Variants in PSMD14 observed in about 807,000 individuals in gnomAD.
PSMD14 encodes the protein ubiquitin C-terminal hydrolase PSMD14.
In PSMD14, 7 loss-of-function variants were observed where a neutral mutation model predicts 41.2. The observed-to-expected ratio is 0.17, with a 90% CI of 0.10 to 0.32. PSMD14 has a LOEUF of 0.32. Among genes scored for constraint, PSMD14 ranks in the 10% least tolerant of loss-of-function variants. The pLI is 1.00. For synonymous variants in PSMD14, 114 were observed against 122.3 expected (o/e 0.93, Z 0.45); for missense variants, 139 against 375.6 (o/e 0.37, Z 5.21).
intron 9 of PSMD14, among the ~76,000 whole-genome samples, chr2:161,392,361 T>C (rs572831349): frequency 6.6e-6 from 1 of 152,232 alleles, no homozygotes; most frequent in East Asian, 1.9e-4. Context: ...ATAAGATCAT[T>C]CTATCTAGCC....
intron 7 of PSMD14, chr2:161,384,320 G>C (rs1332825584): frequency 2.0e-5 from 3 of 151,588 alleles, no homozygotes; most frequent in Non-Finnish European, 3.0e-5. Context: ...CTTTTACAAA[G>C]GGTGATTTTC....
chr2:161,388,653 G>T (rs1244489466), intron 8 of PSMD14, among the ~76,000 whole-genome samples: 2 of 151,962 alleles, frequency 1.3e-5, no homozygotes, highest in African/African-American at 4.8e-5. Flanking sequence ...TGATTTAAAG[G>T]ATATCAGTTA....
chr2:161,374,196 A>T lies in PSMD14; in HGVS notation c.462+2874A>T, dbSNP rs148909452. ...GAATACCAGAGGTCATTGTGAGGCC[A>T]TTCCTTAAGTTACTGTGGATAGGTG... On this transcript the variant is annotated intron_variant, in intron 7 of 11. Coordinates refer to ENST00000409682, the MANE Select transcript of PSMD14 (RefSeq NM_005805.6). 6.8e-3 allele frequency among the ~76,000 whole-genome samples: 1,034 copies of T among 152,106 alleles called. 15 individuals carry two copies. The highest frequency in any genetic ancestry group is 0.038 in the South Asian group (182 of 4,818).
chr2:161,354,445 A>C (rs1683164776), intron 3 of PSMD14, among the ~76,000 whole-genome samples: 1 of 152,112 alleles, frequency 6.6e-6, no homozygotes, highest in African/African-American at 2.4e-5. Context: ...CGGTTTCGTC[A>C]TGTTGCCCAG....
At chr2:161,395,040 A>C in intron 9 of PSMD14, 38 bp from the exon 10 acceptor site, 1 of 1,526,576 alleles carries the variant, frequency 6.6e-7, no homozygotes, top group Non-Finnish European at 8.8e-7. Context: ...GGGTATCCTC[A>C]AGGCAGAAAA....
At position 161,308,532 on chromosome 2, in the gene PSMD14, CCT is replaced by C. The variant is rs1689049460; in HGVS notation, c.-207_-206del. Reference sequence around the variant, plus strand: ...CGGGTGTGCGCCGCTGCTGCTGTTGCCTCTGTCTTCGCGTCACCACAGAGGCA... The same window carrying C: ...CGGGTGTGCGCCGCTGCTGCTGTTGCCTGTCTTCGCGTCACCACAGAGGCA... On this transcript the variant is annotated 5_prime_UTR_variant, in exon 1 of 12. Coordinates refer to ENST00000409682, the MANE Select transcript of PSMD14 (RefSeq NM_005805.6). 6.6e-6 allele frequency: 1 copy of C among 152,306 alleles called. No individual in the cohort carries two copies. The highest frequency in any genetic ancestry group is 6.5e-5 in the Admixed American group (1 of 15,288). The allele number at this position is 152,306 out of a possible 1,614,324, so 9.4% of individuals were successfully genotyped here. A position where few individuals can be genotyped will look rare whatever the true frequency, so the allele number is the denominator to read the frequency against.
At chr2:161,377,633 C>T (rs1683520687) in intron 7 of PSMD14, among the ~76,000 whole-genome samples, 1 of 151,798 alleles carries the variant, frequency 6.6e-6, no homozygotes, top group African/African-American at 2.4e-5. Flanking sequence ...GTTCTTTTAA[C>T]CTAGAGCTTC....
chr2:161,375,080 A>G (rs534475188), intron 7 of PSMD14, among the ~76,000 whole-genome samples: 7 of 152,120 alleles, frequency 4.6e-5, no homozygotes, highest in South Asian at 2.1e-4. Flanking sequence ...AAAACACTCA[A>G]TGGACTTTAA....
At chr2:161,344,563 A>G (rs917517050) in intron 3 of PSMD14, among the ~76,000 whole-genome samples, 2 of 152,210 alleles carry the variant, frequency 1.3e-5, no homozygotes, top group African/African-American at 4.8e-5. Context: ...TGTTTTTCAC[A>G]GCGAATGATT....
intron 3 of PSMD14, among the ~76,000 whole-genome samples, chr2:161,355,009 C>T (rs1023908312): frequency 6.6e-6 from 1 of 152,052 alleles, no homozygotes; most frequent in Non-Finnish European, 1.5e-5. Flanking sequence ...AGGCAGGAAC[C>T]GAATTTGTTA....
intron 2 of PSMD14, among the ~76,000 whole-genome samples, chr2:161,317,166 T>A (rs1259997138): frequency 6.6e-6 from 1 of 152,134 alleles, no homozygotes; most frequent in African/African-American, 2.4e-5. Flanking sequence ...AAAAGTGCTG[T>A]GTGTTGAATG....
chr2:161,351,822 G>A (rs921478097), intron 3 of PSMD14, among the ~76,000 whole-genome samples: 9 of 152,154 alleles, frequency 5.9e-5, no homozygotes, highest in Non-Finnish European at 1.2e-4. Flanking sequence ...AGCTTTGATT[G>A]AAAGTGACAT....
In PSMD14 at chr2:161,372,688, CTTGA is replaced by C. The variant is rs573730760; in HGVS notation, c.462+1370_462+1373del. ...TATAGATAAAAGAGGTTGAAAAATCCTTGATTGTTATTAGCTTTATGAATTATAT... is the reference window on the plus strand; with the variant it reads ...TATAGATAAAAGAGGTTGAAAAATCCTTGTTATTAGCTTTATGAATTATAT... On this transcript the variant is annotated intron_variant, in intron 7 of 11. Coordinates refer to ENST00000409682, the MANE Select transcript of PSMD14 (RefSeq NM_005805.6). Among the ~76,000 whole-genome samples the C allele has an allele frequency of 1.6e-4, 25 of 151,676 alleles. 2 individuals are homozygous for C. The South Asian group carries it at 5.2e-3, about 32-fold the overall frequency.
At chr2:161,388,264 G>A (rs950874151) in intron 8 of PSMD14, among the ~76,000 whole-genome samples, 1 of 151,986 alleles carries the variant, frequency 6.6e-6, no homozygotes, top group Admixed American at 6.6e-5. Context: ...GGAAAACATT[G>A]TTTCAGTAAT....
At chr2:161,349,271 C>T (rs993010615) in intron 3 of PSMD14, among the ~76,000 whole-genome samples, 5 of 152,190 alleles carry the variant, frequency 3.3e-5, no homozygotes, top group Non-Finnish European at 7.3e-5. Flanking sequence ...TTTGGATATA[C>T]TTACTCTTCC....
chr2:161,379,323 C>T (rs909349026), intron 7 of PSMD14, among the ~76,000 whole-genome samples: 1 of 152,048 alleles, frequency 6.6e-6, no homozygotes, highest in East Asian at 1.9e-4. Context: ...ATTTTAAGCT[C>T]ACTGTTTATT....
At chr2:161,374,989 T>TA in intron 7 of PSMD14, among the ~76,000 whole-genome samples, 1 of 152,080 alleles carries the variant, frequency 6.6e-6, no homozygotes, top group African/African-American at 2.4e-5. Flanking sequence ...TTTGAAAACA[T>TA]AAAAAAAGGA....
intron 9 of PSMD14, among the ~76,000 whole-genome samples, chr2:161,393,019 A>AATGTT (rs756367553): frequency 1.3e-5 from 2 of 152,086 alleles, no homozygotes; most frequent in Non-Finnish European, 2.9e-5. Context: ...TAAATTACTT[A>AATGTT]ATGTTATGTT....
At chr2:161,311,126 C>A (rs1689082369) in intron 1 of PSMD14, among the ~76,000 whole-genome samples, 1 of 152,088 alleles carries the variant, frequency 6.6e-6, no homozygotes, top group Admixed American at 6.5e-5. Context: ...CATGGCGAAA[C>A]CCCTTCTCTA....
Sources: allele counts gnomAD v4.1 joint callset (sites outside exome capture counted in the v4.1 genomes callset), GRCh38; gene constraint gnomAD v4.1.1; transcripts MANE v1.5; gene names NCBI Gene and HGNC (gene_info 2026-07-23, HGNC 2026-07-21).